CCDC91: variants seen among roughly 807,000 people sequenced by gnomAD.
CCDC91 encodes the protein coiled-coil domain containing 91.
CCDC91 carries 48 observed loss-of-function variants against 63.2 expected under a neutral mutation model. That is an observed-to-expected ratio of 0.76 (90% CI 0.60 to 0.97). CCDC91 has a LOEUF of 0.97. Ranked by LOEUF, CCDC91 falls within the 50% of genes least tolerant of loss-of-function variation. The probability of loss-of-function intolerance (pLI) is 0.00; values close to 1 mark genes in which losing one functional copy is unlikely to be tolerated. For synonymous variants in CCDC91, 167 were observed against 165.8 expected (o/e 1.01, Z -0.06); for missense variants, 500 against 494.6 (o/e 1.01, Z -0.10).
At chr12:28,239,304 A>T (rs1945177730) in intron 1 of CCDC91, among the ~76,000 whole-genome samples, 1 of 151,824 alleles carries the variant, frequency 6.6e-6, no homozygotes. Context: ...TGTGGGAGGG[A>T]AGTTGGAGAG....
In CCDC91 at chr12:28,506,940, C is replaced by T. The variant is rs1356219096; in HGVS notation, c.1215+22775C>T. Among the ~76,000 whole-genome samples, 8 of 151,016 alleles carry T rather than the reference C, an allele frequency of 5.3e-5. No individual in the cohort carries two copies. The South Asian group carries it at 8.3e-4, about 16-fold the overall frequency. On this transcript the variant is annotated intron_variant, in intron 12 of 12. Coordinates refer to ENST00000536442, the MANE Select transcript of CCDC91 (RefSeq NM_018318.5). ...CAAATCTACCAGTAGTCACATAAAA[C>T]GTAGACATTCTTTATGGGAATCAAG...
intron 6 of CCDC91, among the ~76,000 whole-genome samples, chr12:28,317,581 GT>G (rs1592289776): frequency 6.6e-6 from 1 of 151,944 alleles, no homozygotes; most frequent in South Asian, 2.1e-4. Context: ...TTTTCAAGTA[GT>G]TTTTTTATTG....
At chr12:28,526,873 T>A (rs1336248294) in intron 12 of CCDC91, among the ~76,000 whole-genome samples, 2 of 152,008 alleles carry the variant, frequency 1.3e-5, no homozygotes, top group Admixed American at 6.6e-5. Flanking sequence ...CTGAAGTTCT[T>A]TCTTCTGCTT....
intron 6 of CCDC91, among the ~76,000 whole-genome samples, chr12:28,327,820 G>C (rs923000674): frequency 4.6e-5 from 7 of 152,208 alleles, no homozygotes; most frequent in Middle Eastern, 3.4e-3. Flanking sequence ...GAAGTCTGAA[G>C]TTCTTCAGAG....
intron 6 of CCDC91, among the ~76,000 whole-genome samples, chr12:28,351,491 G>A (rs1401170301): frequency 6.6e-6 from 1 of 152,122 alleles, no homozygotes; most frequent in African/African-American, 2.4e-5. Flanking sequence ...ATTATTGTCT[G>A]GGCCTGTGCT....
At chr12:28,365,285 T>C (rs1050973277) in intron 7 of CCDC91, among the ~76,000 whole-genome samples, 2 of 152,240 alleles carry the variant, frequency 1.3e-5, no homozygotes, top group African/African-American at 4.8e-5. Flanking sequence ...TTTTCACTTA[T>C]GATTTTAACC....
chr12:28,328,438 CTG>C (rs1224100029), intron 6 of CCDC91, among the ~76,000 whole-genome samples: 1 of 152,032 alleles, frequency 6.6e-6, no homozygotes, highest in Admixed American at 6.6e-5. Context: ...AAAAATAAGT[CTG>C]TAGTTATTGT....
intron 11 of CCDC91, among the ~76,000 whole-genome samples, chr12:28,483,121 C>G (rs1446288207): frequency 1.3e-5 from 2 of 151,740 alleles, no homozygotes; most frequent in Admixed American, 1.3e-4. Context: ...ATAGAGAATC[C>G]TTTATATTAT....
At chr12:28,194,480 C>T (rs1941566211) in intron 1 of CCDC91, among the ~76,000 whole-genome samples, 1 of 152,172 alleles carries the variant, frequency 6.6e-6, no homozygotes, top group Admixed American at 6.5e-5. Context: ...GAGTTTCTTC[C>T]TTCTGGTGGG....
At chr12:28,326,083 A>G (rs1415822113) in intron 6 of CCDC91, among the ~76,000 whole-genome samples, 1 of 152,074 alleles carries the variant, frequency 6.6e-6, no homozygotes, top group East Asian at 1.9e-4. Context: ...TTTGCTTCCA[A>G]AAAAAGTTTT....
intron 12 of CCDC91, among the ~76,000 whole-genome samples, chr12:28,512,695 A>C (rs957890992): frequency 4.6e-5 from 7 of 151,828 alleles, no homozygotes; most frequent in Non-Finnish European, 7.4e-5. Flanking sequence ...CCTCTACAAA[A>C]GTTTGCCAGC....
intron 12 of CCDC91, among the ~76,000 whole-genome samples, chr12:28,518,678 T>G (rs1201217559): frequency 6.6e-6 from 1 of 152,096 alleles, no homozygotes; most frequent in Non-Finnish European, 1.5e-5. Context: ...TTATTTATCT[T>G]TGTTTTTATT....
chr12:28,201,997 C>T lies in CCDC91; in HGVS notation c.-15+11356C>T, dbSNP rs551403907. ...GCAGCAGTACAGTCCAGCTTCGGCTCGGCATCGGGAGAGGGAGAGGGAGAG... is the reference window on the plus strand; with the variant it reads ...GCAGCAGTACAGTCCAGCTTCGGCTTGGCATCGGGAGAGGGAGAGGGAGAG... On this transcript the variant is annotated intron_variant, in intron 1 of 12. Transcript: ENST00000536442. Among the ~76,000 whole-genome samples, 86 of 152,018 alleles carry T rather than the reference C, an allele frequency of 5.7e-4. 1 individual carries two copies. In the South Asian group the frequency reaches 0.011, roughly 20 times the overall value.
At position 28,404,234 on chromosome 12, in the gene CCDC91, A is replaced by G. The variant is rs1450763754; in HGVS notation, c.762+12823A>G. The stretch of plus-strand genomic sequence containing the variant: ...TTGTGTTTTATTAAAAATATTTTCA[A>G]TATCTTTTGAGATTTTTCTTGTTGT... On this transcript the variant is annotated intron_variant, in intron 8 of 12. Coordinates refer to ENST00000536442, the MANE Select transcript of CCDC91 (RefSeq NM_018318.5). Among the ~76,000 whole-genome samples the G allele has an allele frequency of 3.3e-5, 5 of 152,074 alleles. No homozygotes were observed. In the East Asian group the frequency reaches 5.8e-4, roughly 18 times the overall value.
intron 12 of CCDC91, among the ~76,000 whole-genome samples, chr12:28,511,354 C>T (rs1425717925): frequency 3.3e-5 from 5 of 152,030 alleles, no homozygotes; most frequent in African/African-American, 1.2e-4. Flanking sequence ...TTCCAAATGT[C>T]ACCTCTTCAG....
chr12:28,338,875 C>G (rs1385291841), intron 6 of CCDC91, among the ~76,000 whole-genome samples: 2 of 152,034 alleles, frequency 1.3e-5, no homozygotes, highest in South Asian at 2.1e-4. Context: ...GACTCTCGCT[C>G]TGTCGCCCAA....
intron 7 of CCDC91, among the ~76,000 whole-genome samples, chr12:28,367,861 G>C (rs1944374362): frequency 6.6e-6 from 1 of 151,924 alleles, no homozygotes; most frequent in Non-Finnish European, 1.5e-5. Context: ...TAATGTAGGT[G>C]GGCAACATCC....
intron 12 of CCDC91, among the ~76,000 whole-genome samples, chr12:28,547,044 T>A (rs1314802673): frequency 6.6e-6 from 1 of 152,070 alleles, no homozygotes; most frequent in Non-Finnish European, 1.5e-5. Context: ...CTTCCAGTAA[T>A]GGCAATGAAA....
intron 6 of CCDC91, among the ~76,000 whole-genome samples, chr12:28,362,043 C>T (rs575587551): frequency 6.6e-6 from 1 of 152,096 alleles, no homozygotes; most frequent in African/African-American, 2.4e-5. Context: ...GAATTGGGGT[C>T]TAATCATATT....
Sources: allele counts gnomAD v4.1 joint callset (sites outside exome capture counted in the v4.1 genomes callset), GRCh38; gene constraint gnomAD v4.1.1; transcripts MANE v1.5; gene names NCBI Gene and HGNC (gene_info 2026-07-23, HGNC 2026-07-21).